Variants in CA3 observed in about 807,000 individuals in gnomAD.
The protein encoded by CA3 is CA-III.
CA3 carries 30 observed loss-of-function variants against 35.7 expected under a neutral mutation model. The ratio of observed to expected loss-of-function variants is 0.84; its 90% confidence interval spans 0.63 to 1.14. CA3 has a LOEUF of 1.14. Ranked by LOEUF, CA3 falls within the 50% of genes most tolerant of loss-of-function variation. The probability of loss-of-function intolerance (pLI) is 0.00; values close to 1 mark genes in which losing one functional copy is unlikely to be tolerated. For synonymous variants in CA3, 131 were observed against 130.8 expected (o/e 1.00, Z -0.01); for missense variants, 295 against 328.5 (o/e 0.90, Z 0.79).
In CA3 at chr8:85,448,051, C is replaced by T. The variant is rs760711781; in HGVS notation, c.681C>T (p.Ser227=). 6.2e-7 allele frequency: 1 copy of T among 1,611,754 alleles called. No individual in the cohort carries two copies. The highest frequency in any genetic ancestry group is 1.7e-5 in the Admixed American group (1 of 59,674). ...VSSDQMAKLR[S]LLSSAENEPP... is the part of the protein sequence containing the mutation. ...CTTTGCAGATGGCCAAGCTGCGGAG[C>T]CTCCTCTCCAGTGCTGAGAACGAGC... Residue 227 remains serine (S), a synonymous_variant, in exon 7 of 7, where the codon AGC becomes AGT. Coordinates refer to ENST00000285381, the MANE Select transcript of CA3 (RefSeq NM_005181.4).
In CA3 at chr8:85,448,058, T is replaced by C. The variant is rs1811317463; in HGVS notation, c.688T>C (p.Ser230Pro). The C allele has an allele frequency of 1.2e-6, 2 of 1,612,998 alleles. No individual in the cohort carries two copies. The highest frequency in any genetic ancestry group is 1.7e-6 in the Non-Finnish European group (2 of 1,179,512). The change falls in exon 7 of 7, where the codon TCC becomes CCC. Residue 230 changes from serine (S) to proline (P), a missense_variant. Coordinates refer to ENST00000285381, the MANE Select transcript of CA3 (RefSeq NM_005181.4). ...GATGGCCAAGCTGCGGAGCCTCCTC[T>C]CCAGTGCTGAGAACGAGCCCCCAGT... ...DQMAKLRSLL[S>P]SAENEPPVPL...
At chr8:85,443,381 A>C (rs567536590) in intron 3 of CA3, among the ~76,000 whole-genome samples, 1 of 152,202 alleles carries the variant, frequency 6.6e-6, no homozygotes, top group Non-Finnish European at 1.5e-5. Context: ...TCTGGTTAAC[A>C]TAGGGGCTGT....
intron 3 of CA3, among the ~76,000 whole-genome samples, chr8:85,442,662 G>C (rs969901363): frequency 2.0e-5 from 3 of 152,148 alleles, no homozygotes; most frequent in Non-Finnish European, 4.4e-5. Flanking sequence ...GCAGTGAGCT[G>C]TGATTGCGCC....
At chr8:85,445,310 G>C (rs913962477) in intron 5 of CA3, 92 bp downstream of exon 5, 1 of 770,890 alleles carries the variant, frequency 1.3e-6, no homozygotes, top group African/African-American at 1.8e-5. Context: ...CCTAAAATCT[G>C]TTACTAAGTT....
chr8:85,446,181 C>T lies in CA3; in HGVS notation c.547C>T (p.Leu183=), dbSNP rs747777488. 8 of 1,613,314 alleles carry T rather than the reference C, an allele frequency of 5.0e-6. No homozygotes were observed. The highest frequency in any genetic ancestry group is 4.5e-5 in the East Asian group (2 of 44,876). ...CTTCACAAAGTTTGACCCATCCTGC[C>T]TGTTCCCGGCATGCCGGGACTACTG... ...APFTKFDPSC[L]FPACRDYWTY... The change falls in exon 6 of 7, where the codon CTG becomes TTG. Residue 183 remains leucine, a synonymous_variant. Transcript: ENST00000285381.
rs945968424 is a variant in CA3 at position 85,439,056 on chromosome 8, A to G, written c.34+113A>G. 38 of 1,033,692 alleles carry G rather than the reference A, an allele frequency of 3.7e-5. No homozygotes were observed. In the Admixed American group the frequency reaches 7.7e-4, roughly 21 times the overall value. The allele number at this position is 1,033,692 out of a possible 1,614,324, so 64.0% of individuals were successfully genotyped here. ...CTGCAGTGGAAAATGTAGGAGTAGA[A>G]TAAGACCTAACATTTACTGAGGCTT... On this transcript the variant is annotated intron_variant, in intron 1 of 6. Coordinates refer to ENST00000285381, the MANE Select transcript of CA3 (RefSeq NM_005181.4).
intron 3 of CA3, among the ~76,000 whole-genome samples, chr8:85,443,623 C>G (rs773756092): frequency 2.6e-5 from 4 of 152,170 alleles, no homozygotes; most frequent in Admixed American, 6.5e-5. Flanking sequence ...CAGATGCAGG[C>G]AAGGCTTTCA....
chr8:85,442,321 A>G, intron 3 of CA3, 130 bp downstream of exon 3: 1 of 676,076 alleles, frequency 1.5e-6, no homozygotes, highest in Non-Finnish European at 2.7e-6. Context: ...AAAGAGCTGT[A>G]CTAGTTTTAG....
At chr8:85,446,894 C>T (rs1421642341) in intron 6 of CA3, among the ~76,000 whole-genome samples, 1 of 152,110 alleles carries the variant, frequency 6.6e-6, no homozygotes. Flanking sequence ...ATTAAAGACA[C>T]TATCAAGGAA....
chr8:85,441,164 G>A (rs1811202221), intron 2 of CA3, among the ~76,000 whole-genome samples: 1 of 152,126 alleles, frequency 6.6e-6, no homozygotes, highest in Non-Finnish European at 1.5e-5. Flanking sequence ...CACTTAGTGT[G>A]GGCAACCTCT....
At position 85,446,546 on chromosome 8, in the gene CA3, C is replaced by T. The variant is rs150617080; in HGVS notation, c.663+249C>T. The stretch of plus-strand genomic sequence containing the variant: ...GATACCGAACATGACTGAGTTTATG[C>T]TCTATAAACACTTTAAAGGGTTTAG... On this transcript the variant is annotated intron_variant, in intron 6 of 6. Transcript: ENST00000285381. Among the ~76,000 whole-genome samples, 10 of 152,214 alleles carry T rather than the reference C, an allele frequency of 6.6e-5. No individual in the cohort carries two copies. The East Asian group carries it at 1.9e-3, about 29-fold the overall frequency.
At chr8:85,445,848 TG>T (rs1811281175) in intron 5 of CA3, among the ~76,000 whole-genome samples, 2 of 152,196 alleles carry the variant, frequency 1.3e-5, no homozygotes, top group South Asian at 4.1e-4. Flanking sequence ...CAATTACACT[TG>T]AGATATCAGT....
chr8:85,446,277 A>G lies in CA3; in HGVS notation c.643A>G (p.Met215Val). The change falls in exon 6 of 7, where the codon ATG (methionine) becomes GTG (valine). Residue 215 changes from methionine to valine, a missense_variant. Met to Val is a conservative substitution (Grantham distance 21). Coordinates refer to ENST00000285381, the MANE Select transcript of CA3 (RefSeq NM_005181.4). ...TGTGTGGCTGCTGCTGAAGGAGCCC[A>G]TGACCGTGAGCTCTGACCAGGTGAG... is the stretch of plus-strand genomic sequence containing the variant. ...CIVWLLLKEPMTVSSDQMAKL... is the reference protein window; with the variant it reads ...CIVWLLLKEPVTVSSDQMAKL... The G allele has an allele frequency of 6.2e-7, 1 of 1,613,870 alleles. No homozygotes were observed. The highest frequency in any genetic ancestry group is 8.5e-7 in the Non-Finnish European group (1 of 1,179,786).
chr8:85,445,173 C>G lies in CA3; in HGVS notation c.462C>G (p.Gly154=). 6.2e-7 allele frequency: 1 copy of G among 1,606,010 alleles called. No individual in the cohort carries two copies. The highest frequency in any genetic ancestry group is 1.7e-4 in the Middle Eastern group (1 of 6,034). The change falls in exon 5 of 7, where the codon GGC becomes GGG. Residue 154 remains glycine (G), a synonymous_variant. Transcript: ENST00000285381. ...TCTTACAGATAGGACATGAGAATGG[C>G]GAGTTCCAGATTTTCCTTGATGCAT... ...GIFLKIGHEN[G]EFQIFLDALD...
chr8:85,440,251 T>C (rs547409557), intron 2 of CA3, among the ~76,000 whole-genome samples: 4 of 152,322 alleles, frequency 2.6e-5, no homozygotes, highest in African/African-American at 9.6e-5. Context: ...CTTGTGCTTC[T>C]TGTCCATGGT....
Position 85,444,124 on chromosome 8 carries a change from A to G in CA3, c.442A>G (p.Lys148Glu). ...GATCGCTGTGATTGGCATTTTTCTGAAGGTAAAGTAAAAATTGACTATATA... is the reference window on the plus strand; with the variant it reads ...GATCGCTGTGATTGGCATTTTTCTGGAGGTAAAGTAAAAATTGACTATATA... The part of the protein sequence containing the change: ...DGIAVIGIFL[K>E]IGHENGEFQI... The change falls in exon 4 of 7, where the codon AAG (lysine) becomes GAG (glutamate). Residue 148 changes from lysine to glutamate, a missense_variant and splice_region_variant. Coordinates refer to ENST00000285381, the MANE Select transcript of CA3 (RefSeq NM_005181.4). 1 of 1,598,214 alleles carries G rather than the reference A, an allele frequency of 6.3e-7. No homozygotes were observed.
At chr8:85,441,025 C>G (rs1315436181) in intron 2 of CA3, among the ~76,000 whole-genome samples, 2 of 152,150 alleles carry the variant, frequency 1.3e-5, no homozygotes, top group East Asian at 3.9e-4. Flanking sequence ...TCACATGTCC[C>G]TATAATAACT....
intron 3 of CA3, 82 bp from the exon 4 acceptor site, chr8:85,443,949 CAAT>C: frequency 1.0e-6 from 1 of 962,094 alleles, no homozygotes; most frequent in African/African-American, 1.6e-5. Flanking sequence ...TTAGCCTGTA[CAAT>C]GATTGGGTTT....
chr8:85,446,408 T>C, intron 6 of CA3, 111 bp downstream of exon 6: 2 of 1,231,542 alleles, frequency 1.6e-6, no homozygotes, highest in African/African-American at 1.5e-5. Context: ...AACAGCTCTA[T>C]GGCCAGTAAT....
Sources: allele counts gnomAD v4.1 joint callset (sites outside exome capture counted in the v4.1 genomes callset), GRCh38; gene constraint gnomAD v4.1.1; transcripts MANE v1.5; gene names NCBI Gene and HGNC (gene_info 2026-07-23, HGNC 2026-07-21).